REV3L: variants seen among roughly 807,000 people sequenced by gnomAD.
The protein encoded by REV3L is DNA polymerase zeta catalytic subunit.
REV3L carries 69 observed loss-of-function variants against 299.4 expected under a neutral mutation model. The ratio of observed to expected loss-of-function variants is 0.23; its 90% CI spans 0.19 to 0.28. The LOEUF (loss-of-function observed/expected upper bound fraction) is 0.28. Ranked by LOEUF, REV3L falls within the 10% of genes least tolerant of loss-of-function variation. The pLI is 1.00. For missense variants in REV3L, 3,128 were observed against 3,693.8 expected, an observed-to-expected ratio of 0.85 and a Z score of 3.97; for synonymous variants, 1,238 against 1,271.4, an observed-to-expected ratio of 0.97 and a Z score of 0.56.
At chr6:111,372,095 A>G (rs1360417010) in intron 13 of REV3L, among the ~76,000 whole-genome samples, 1 of 152,258 alleles carries the variant, frequency 6.6e-6, no homozygotes, top group Non-Finnish European at 1.5e-5. Context: ...AGATATTGAA[A>G]CCACATGAAA....
Position 111,373,988 on chromosome 6 carries a change from T to C in REV3L, c.4367A>G (p.Asn1456Ser), listed in dbSNP as rs1780048166. 2.5e-6 allele frequency: 4 copies of C among 1,614,156 alleles called. No homozygotes were observed. The highest frequency in any genetic ancestry group is 2.5e-6 in the Non-Finnish European group (3 of 1,179,986). ...NTASEESQMPNNCFVTSLRSP... is the reference protein window; with the variant it reads ...NTASEESQMPSNCFVTSLRSP... The stretch of plus-strand genomic sequence containing the variant: ...TCTCAAGGAAGTTACAAAGCAATTA[T>C]TAGGCATTTGGCTTTCCTCTGAAGC... The change falls in exon 13 of 32, where the codon AAT becomes AGT. Residue 1456 changes from asparagine (N) to serine (S), a missense_variant. Asn to Ser is a conservative substitution (Grantham distance 46). Coordinates refer to ENST00000368802, the MANE Select transcript of REV3L (RefSeq NM_001372078.1).
At chr6:111,429,312 T>A (rs1237867197) in intron 1 of REV3L, among the ~76,000 whole-genome samples, 1 of 152,060 alleles carries the variant, frequency 6.6e-6, no homozygotes, top group Non-Finnish European at 1.5e-5. Flanking sequence ...TTGTGCCCAG[T>A]CAAATACATA....
intron 24 of REV3L, among the ~76,000 whole-genome samples, chr6:111,330,736 C>T (rs1033877158): frequency 6.6e-6 from 1 of 152,056 alleles, no homozygotes; most frequent in Non-Finnish European, 1.5e-5. Context: ...ACCAAATTCG[C>T]AGAAATGTGA....
At chr6:111,400,807 C>T (rs954565686) in intron 4 of REV3L, among the ~76,000 whole-genome samples, 15 of 152,092 alleles carry the variant, frequency 9.9e-5, no homozygotes, top group African/African-American at 2.9e-4. Context: ...TACATTTTCC[C>T]TTATTTTCTG....
Position 111,351,772 on chromosome 6 carries a change from G to C in REV3L, c.7204C>G (p.Leu2402Val). ...IIKRYDPDIL[L>V]GYEIQMHSWG... is the part of the protein sequence containing the mutation. ...GAATGCATCTGAATCTCATATCCTA[G>C]CAGAATATCAGGATCATACCTAAAA... Residue 2402 changes from leucine to valine, a missense_variant, in exon 19 of 32, where the codon CTA becomes GTA. By Grantham distance (32) the Leu-to-Val change is conservative. Transcript: ENST00000368802. 1 of 1,610,376 alleles carries C rather than the reference G, an allele frequency of 6.2e-7. No individual in the cohort carries two copies. The highest frequency in any genetic ancestry group is 8.5e-7 in the Non-Finnish European group (1 of 1,176,880).
At chr6:111,414,765 A>G (rs1039015300) in intron 2 of REV3L, among the ~76,000 whole-genome samples, 2 of 152,116 alleles carry the variant, frequency 1.3e-5, no homozygotes, top group Non-Finnish European at 2.9e-5. Context: ...TTTGCAGTCA[A>G]CCTTGATTCC....
chr6:111,315,672 G>A (rs955431043), intron 26 of REV3L: 2 of 355,272 alleles, frequency 5.6e-6, no homozygotes, highest in African/African-American at 4.1e-5. Context: ...TTAAGGCTTT[G>A]TATGGTACAC....
intron 15 of REV3L, 58 bp from the exon 16 acceptor site, chr6:111,364,036 T>A: frequency 6.4e-7 from 1 of 1,562,696 alleles, no homozygotes; most frequent in South Asian, 1.2e-5. Flanking sequence ...CAATCATTTT[T>A]CTTTTGATTA....
intron 11 of REV3L, among the ~76,000 whole-genome samples, chr6:111,378,672 A>C (rs1780542039): frequency 6.6e-6 from 1 of 152,138 alleles, no homozygotes; most frequent in African/African-American, 2.4e-5. Context: ...TTAATTATTC[A>C]TAGTTGTCTT....
chr6:111,442,051 T>C (rs1788327260), intron 1 of REV3L, among the ~76,000 whole-genome samples: 1 of 152,226 alleles, frequency 6.6e-6, no homozygotes, highest in Non-Finnish European at 1.5e-5. Context: ...TCCCTTTCCC[T>C]GAGTTGGTTA....
chr6:111,358,887 T>C lies in REV3L; in HGVS notation c.7007A>G (p.Asp2336Gly). 6.2e-7 allele frequency: 1 copy of C among 1,614,112 alleles called. No homozygotes were observed. The highest frequency in any genetic ancestry group is 8.5e-7 in the Non-Finnish European group (1 of 1,179,990). Residue 2336 changes from aspartate (D) to glycine (G), a missense_variant, in exon 17 of 32, where the codon GAT (aspartate) becomes GGT (glycine). Coordinates refer to ENST00000368802, the MANE Select transcript of REV3L (RefSeq NM_001372078.1). ...YCISSDTPLP[D>G]TEKTELTGVI... is the part of the protein sequence containing the mutation. ...ACCTGTGAGTTCTGTTTTTTCTGTA[T>C]CTGGCAGTGGAGTGTCAGATGAGAT... is the stretch of plus-strand genomic sequence containing the variant.
rs148095997 is a variant in REV3L, at chr6:111,304,103, T to A, written c.9252+3258A>T. ...CAGAGTTTGATATATAATCACAAGG[T>A]CTGACTTATAATGTTTACAATTTCC... On this transcript the variant is annotated intron_variant, in intron 31 of 31. Transcript: ENST00000368802. 9.6e-3 allele frequency among the ~76,000 whole-genome samples: 1,458 copies of A among 151,336 alleles called. 17 individuals are homozygous for A. Among genetic ancestry groups the A allele is most frequent in the African/African-American group, 0.034 (1,390 of 41,104 alleles).
chr6:111,338,336 T>TAAA (rs1776139335), intron 21 of REV3L, among the ~76,000 whole-genome samples: 1 of 106,180 alleles, frequency 9.4e-6, no homozygotes, highest in African/African-American at 3.1e-5. Context: ...TTTTTTTTTT[T>TAAA]TTTTTTTTTT....
intron 9 of REV3L, among the ~76,000 whole-genome samples, chr6:111,383,009 C>G (rs1780991538): frequency 6.6e-6 from 1 of 152,182 alleles, no homozygotes; most frequent in Non-Finnish European, 1.5e-5. Context: ...AGGGAACCTG[C>G]TGCCTTGAAG....
intron 26 of REV3L, among the ~76,000 whole-genome samples, chr6:111,322,259 A>G (rs758401069): frequency 3.9e-5 from 6 of 152,218 alleles, no homozygotes; most frequent in Non-Finnish European, 5.9e-5. Context: ...ATTCACATTA[A>G]AAGTAGTTTC....
intron 21 of REV3L, among the ~76,000 whole-genome samples, chr6:111,337,663 A>C (rs1776047430): frequency 6.6e-6 from 1 of 152,202 alleles, no homozygotes; most frequent in Non-Finnish European, 1.5e-5. Flanking sequence ...ATTTGTTAAC[A>C]ATGAAGATTA....
chr6:111,405,020 A>T (rs1783480107), intron 4 of REV3L, among the ~76,000 whole-genome samples: 1 of 152,196 alleles, frequency 6.6e-6, no homozygotes, highest in Non-Finnish European at 1.5e-5. Context: ...GGACTAAAGT[A>T]ACAAGGCTCT....
chr6:111,342,985 CTAAGA>C lies in REV3L; in HGVS notation c.7538+935_7538+939del, dbSNP rs1043725612. ...AAAGACATCTTCATATAAACAAGGG[CTAAGA>C]TAATTTTTTGCCAACAGACTTGCCA... On this transcript the variant is annotated intron_variant, in intron 21 of 31. Coordinates refer to ENST00000368802, the MANE Select transcript of REV3L (RefSeq NM_001372078.1). 1.2e-3 allele frequency among the ~76,000 whole-genome samples: 187 copies of C among 152,140 alleles called. 1 individual carries two copies. The highest frequency in any genetic ancestry group is 4.1e-3 in the African/African-American group (172 of 41,500).
At chr6:111,366,997 A>G (rs570553573) in intron 14 of REV3L, 118 bp downstream of exon 14, 2 of 793,778 alleles carry the variant, frequency 2.5e-6, no homozygotes, top group African/African-American at 1.8e-5. Flanking sequence ...ATGACGAAAA[A>G]TATTTGCTGA....
Sources: allele counts gnomAD v4.1 joint callset (sites outside exome capture counted in the v4.1 genomes callset), GRCh38; gene constraint gnomAD v4.1.1; transcripts MANE v1.5; gene names NCBI Gene and HGNC (gene_info 2026-07-23, HGNC 2026-07-21).